The following MTMR3 variants were observed in gnomAD, a reference collection of about 807,000 sequenced individuals.
MTMR3 encodes the protein phosphatidylinositol-3,5-bisphosphate 3-phosphatase MTMR3.
Under a neutral mutation model 132.4 loss-of-function variants are expected in MTMR3, and 32 were observed. The observed-to-expected ratio is 0.24, with a 90% CI of 0.18 to 0.32. MTMR3 has a LOEUF of 0.32. Among genes scored for constraint, MTMR3 ranks in the 10% least tolerant of loss-of-function variants. The pLI is 1.00. For missense variants in MTMR3, 1,216 were observed against 1,489.6 expected (o/e 0.82, Z 3.02); for synonymous variants, 556 against 550.3 (o/e 1.01, Z -0.14).
At chr22:29,951,431 C>T (rs2066077850) in intron 1 of MTMR3, among the ~76,000 whole-genome samples, 1 of 152,138 alleles carries the variant, frequency 6.6e-6, no homozygotes, top group South Asian at 2.1e-4. Context: ...GGTTGGTTTA[C>T]TTACAGTTAA....
At chr22:29,890,096 CAG>C (rs1372492255) in intron 1 of MTMR3, among the ~76,000 whole-genome samples, 1 of 151,684 alleles carries the variant, frequency 6.6e-6, no homozygotes, top group African/African-American at 2.4e-5. Context: ...TTAGTAGAGA[CAG>C]GGTTTCACCA....
chr22:30,007,740 A>ATAG (rs1303424179), intron 10 of MTMR3, 161 bp from the exon 11 acceptor site: 4 of 825,528 alleles, frequency 4.8e-6, no homozygotes, highest in Non-Finnish European at 7.3e-6. Flanking sequence ...AGAAGGCCAC[A>ATAG]TAGAAAAAAA....
chr22:30,014,502 C>CTTTTTTT (rs56934428), intron 14 of MTMR3: 1 of 78,810 alleles, frequency 1.3e-5, no homozygotes, highest in Non-Finnish European at 2.5e-5. Flanking sequence ...CCCTCCAGTT[C>CTTTTTTT]TTTTTTTTTT....
At chr22:29,962,045 C>T (rs1272467465) in intron 2 of MTMR3, among the ~76,000 whole-genome samples, 1 of 152,206 alleles carries the variant, frequency 6.6e-6, no homozygotes, top group East Asian at 1.9e-4. Flanking sequence ...TGCACAACAG[C>T]TAAATCTGCT....
intron 15 of MTMR3, 49 bp downstream of exon 15, chr22:30,016,747 G>C (rs750823842): frequency 1.3e-6 from 2 of 1,566,478 alleles, no homozygotes; most frequent in Non-Finnish European, 1.7e-6. Context: ...GGAATTTGGG[G>C]TTGGTTACAT....
chr22:29,976,129 T>A, intron 3 of MTMR3, among the ~76,000 whole-genome samples: 1 of 152,134 alleles, frequency 6.6e-6, no homozygotes, highest in South Asian at 2.1e-4. Context: ...TGTTTTTTTT[T>A]TTTTTTTAAA....
At chr22:30,007,819 A>G in intron 10 of MTMR3, 82 bp from the exon 11 acceptor site, 1 of 1,509,172 alleles carries the variant, frequency 6.6e-7, no homozygotes, top group Non-Finnish European at 9.0e-7. Flanking sequence ...TTTGTGCCAT[A>G]AGATGTGCTT....
chr22:29,965,854 G>A (rs1399857142), intron 2 of MTMR3, among the ~76,000 whole-genome samples: 1 of 152,040 alleles, frequency 6.6e-6, no homozygotes, highest in Non-Finnish European at 1.5e-5. Context: ...ATGCTTGTGA[G>A]AGTTTTTTCA....
chr22:29,954,203 T>C (rs2066143249), intron 1 of MTMR3, among the ~76,000 whole-genome samples: 1 of 151,348 alleles, frequency 6.6e-6, no homozygotes. Context: ...TGCCTCAGCC[T>C]CCCGAGTACC....
At chr22:29,959,571 G>T (rs1287792356) in intron 2 of MTMR3, among the ~76,000 whole-genome samples, 1 of 151,832 alleles carries the variant, frequency 6.6e-6, no homozygotes, top group African/African-American at 2.4e-5. Flanking sequence ...TAGAGACGGG[G>T]TTTCACTATG....
intron 2 of MTMR3, among the ~76,000 whole-genome samples, chr22:29,960,821 C>A (rs1353568626): frequency 6.6e-6 from 1 of 152,102 alleles, no homozygotes; most frequent in African/African-American, 2.4e-5. Flanking sequence ...AGGCTATTAT[C>A]TTAACACTCT....
At chr22:29,901,459 T>C (rs548066645) in intron 1 of MTMR3, among the ~76,000 whole-genome samples, 2 of 152,156 alleles carry the variant, frequency 1.3e-5, no homozygotes, top group African/African-American at 2.4e-5. Flanking sequence ...ATCATATGTA[T>C]GGTTGAAAAT....
rs2067486661 is a variant in MTMR3 at position 30,013,423 on chromosome 22, A to T, written c.1385A>T (p.His462Leu). The change falls in exon 14 of 20, where the codon CAT becomes CTT. Residue 462 changes from histidine (H) to leucine (L), a missense_variant. By Grantham distance (99) the His-to-Leu change is moderately conservative. Coordinates refer to ENST00000401950, the MANE Select transcript of MTMR3 (RefSeq NM_021090.4). ...CATAAATTTGCTGACCGGTGTGGTC[A>T]TGGGGAGAACTCGGATGATCTGAAT... ...FGHKFADRCG[H>L]GENSDDLNER... The T allele has an allele frequency of 6.2e-7, 1 of 1,614,160 alleles. No homozygotes were observed. Among genetic ancestry groups the T allele is most frequent in the African/African-American group, 1.3e-5 (1 of 75,056 alleles).
chr22:30,016,484 T>C, intron 14 of MTMR3, 44 bp from the exon 15 acceptor site: 2 of 1,599,618 alleles, frequency 1.3e-6, no homozygotes, highest in South Asian at 2.3e-5. Flanking sequence ...TATCAGAGTG[T>C]GCATGCCTGA....
intron 1 of MTMR3, among the ~76,000 whole-genome samples, chr22:29,905,131 A>G (rs530219274): frequency 6.6e-6 from 1 of 152,286 alleles, no homozygotes; most frequent in Admixed American, 6.5e-5. Flanking sequence ...GTCAGCATAT[A>G]TCCTACTACA....
At chr22:29,901,272 T>A (rs1405822100) in intron 1 of MTMR3, among the ~76,000 whole-genome samples, 7 of 149,854 alleles carry the variant, frequency 4.7e-5, no homozygotes, top group Non-Finnish European at 7.4e-5. Flanking sequence ...ATATATATAT[T>A]TTAATATTAA....
chr22:29,994,819 A>G (rs901465009), intron 7 of MTMR3: 2 of 152,238 alleles, frequency 1.3e-5, no homozygotes, highest in African/African-American at 4.8e-5. Context: ...CTGTGGTCAC[A>G]GCTCTAAGGC....
At chr22:29,956,269 CAG>C (rs2013889694) in intron 1 of MTMR3, among the ~76,000 whole-genome samples, 1 of 151,784 alleles carries the variant, frequency 6.6e-6, no homozygotes, top group Non-Finnish European at 1.5e-5. Context: ...TTTTTTGAGA[CAG>C]AGTCTCACTT....
chr22:30,029,329 T>C lies in MTMR3; in HGVS notation c.*3528T>C, dbSNP rs1423176131. The stretch of plus-strand genomic sequence containing the variant: ...ACTGCAGTCCAAAACAAGTTACAGC[T>C]GCCTTAATCCACTGAGATTCTCTAT... On this transcript the variant is annotated 3_prime_UTR_variant, in exon 20 of 20. Coordinates refer to ENST00000401950, the MANE Select transcript of MTMR3 (RefSeq NM_021090.4). The C allele has an allele frequency of 2.0e-5, 3 of 152,370 alleles. No individual in the cohort carries two copies. The highest frequency in any genetic ancestry group is 7.2e-5 in the African/African-American group (3 of 41,462). The allele number at this position is 152,370 out of a possible 1,614,324, so 9.4% of individuals were successfully genotyped here.
Sources: allele counts gnomAD v4.1 joint callset (sites outside exome capture counted in the v4.1 genomes callset), GRCh38; gene constraint gnomAD v4.1.1; transcripts MANE v1.5; gene names NCBI Gene and HGNC (gene_info 2026-07-23, HGNC 2026-07-21).